CAMK1D: variants seen among roughly 807,000 people sequenced by gnomAD.
CAMK1D encodes calcium/calmodulin-dependent protein kinase type 1D.
A neutral mutation model predicts 47.7 loss-of-function variants in CAMK1D; 9 were observed. The observed-to-expected ratio is 0.19, with a 90% CI of 0.11 to 0.33. CAMK1D has a LOEUF of 0.33. CAMK1D is among the 10% of genes least tolerant of loss of function. The pLI, the probability that CAMK1D is intolerant of heterozygous loss-of-function variation, is 1.00. For missense variants in CAMK1D, 291 were observed against 488.7 expected (o/e 0.60, Z 3.81); for synonymous variants, 184 against 184.9 (o/e 0.99, Z 0.04).
At chr10:12,515,310 C>T (rs934671831) in intron 1 of CAMK1D, among the ~76,000 whole-genome samples, 8 of 152,014 alleles carry the variant, frequency 5.3e-5, no homozygotes, top group Non-Finnish European at 5.9e-5. Context: ...GCCAGATTCC[C>T]CTGTGTTACT....
chr10:12,608,669 A>T (rs886244791), intron 2 of CAMK1D, among the ~76,000 whole-genome samples: 1 of 152,264 alleles, frequency 6.6e-6, no homozygotes. Context: ...TTCACTGAAT[A>T]TGATAAACAA....
chr10:12,502,415 G>A (rs12572029), intron 1 of CAMK1D, among the ~76,000 whole-genome samples: 2,167 of 152,236 alleles, frequency 0.014, 43 homozygotes, highest in East Asian at 0.045. Flanking sequence ...GGGCGATGAG[G>A]CGTCTTGGCT....
chr10:12,676,758 A>G (rs1402268500), intron 3 of CAMK1D, among the ~76,000 whole-genome samples: 4 of 152,176 alleles, frequency 2.6e-5, no homozygotes, highest in Non-Finnish European at 4.4e-5. Flanking sequence ...CATTAATGTG[A>G]ATGGTTCAGT....
intron 2 of CAMK1D, among the ~76,000 whole-genome samples, chr10:12,579,279 A>G (rs1423892300): frequency 6.6e-6 from 1 of 152,066 alleles, no homozygotes; most frequent in Non-Finnish European, 1.5e-5. Context: ...CCTGCATAGC[A>G]TTCCTCATAT....
intron 8 of CAMK1D, among the ~76,000 whole-genome samples, chr10:12,823,856 A>G (rs768944785): frequency 2.0e-5 from 3 of 151,790 alleles, no homozygotes; most frequent in Admixed American, 2.0e-4. Context: ...GGTGGGGGGC[A>G]TGGGCTCACA....
chr10:12,381,312 G>A (rs984953557), intron 1 of CAMK1D, among the ~76,000 whole-genome samples: 4 of 151,440 alleles, frequency 2.6e-5, no homozygotes, highest in African/African-American at 9.7e-5. Flanking sequence ...CTTAAAAAAT[G>A]TCGGAAGGAC....
chr10:12,550,689 G>A lies in CAMK1D; in HGVS notation c.93-2536G>A, dbSNP rs118172229. On this transcript the variant is annotated intron_variant, in intron 1 of 10. Coordinates refer to ENST00000619168, the MANE Select transcript of CAMK1D (RefSeq NM_153498.4). The stretch of plus-strand genomic sequence containing the variant: ...GAAGGTTTGGCTTCTGGCTTGTAGT[G>A]TTTTGAGGGGAGAATCCTATGGGTG... 4.0e-3 allele frequency among the ~76,000 whole-genome samples: 609 copies of A among 152,330 alleles called. 2 individuals are homozygous for A. The highest frequency in any genetic ancestry group is 7.2e-3 in the Non-Finnish European group (489 of 68,032).
intron 1 of CAMK1D, among the ~76,000 whole-genome samples, chr10:12,470,732 G>A (rs558778878): frequency 1.3e-5 from 2 of 152,216 alleles, no homozygotes; most frequent in South Asian, 4.2e-4. Flanking sequence ...GGCCAGGCTG[G>A]TCTTGAACTC....
intron 2 of CAMK1D, among the ~76,000 whole-genome samples, chr10:12,554,524 A>T (rs1836698208): frequency 1.3e-5 from 1 of 74,892 alleles, no homozygotes; most frequent in African/African-American, 3.4e-5. Flanking sequence ...GTATAATGGC[A>T]CACATAGAAC....
chr10:12,694,979 TAAATC>T (rs1489747434), intron 3 of CAMK1D, among the ~76,000 whole-genome samples: 1 of 152,048 alleles, frequency 6.6e-6, no homozygotes, highest in Non-Finnish European at 1.5e-5. Flanking sequence ...AATAAATAAA[TAAATC>T]CTCGTTGGAG....
chr10:12,390,815 C>A (rs1029565858), intron 1 of CAMK1D, among the ~76,000 whole-genome samples: 3 of 152,134 alleles, frequency 2.0e-5, no homozygotes, highest in Admixed American at 2.0e-4. Context: ...CCTATCCAAG[C>A]CTGGAATACG....
rs555828505 is a variant in CAMK1D at position 12,568,848 on chromosome 10, C to T, written c.224+15492C>T. Among the ~76,000 whole-genome samples, 8 of 152,074 alleles carry T rather than the reference C, an allele frequency of 5.3e-5. No homozygotes were observed. In the South Asian group the frequency reaches 1.2e-3, roughly 24 times the overall value. The stretch of plus-strand genomic sequence containing the variant: ...ATGCAGATGTGCGTGCTTTGCCTCC[C>T]GGAGGGAATTCGTTTTGGGAATAGT... On this transcript the variant is annotated intron_variant, in intron 2 of 10. Coordinates refer to ENST00000619168, the MANE Select transcript of CAMK1D (RefSeq NM_153498.4).
rs1184554424 is a variant in CAMK1D at position 12,461,067 on chromosome 10, T to C, written c.93-92158T>C. Among the ~76,000 whole-genome samples the C allele has an allele frequency of 2.0e-5, 3 of 152,174 alleles. No homozygotes were observed. The East Asian group carries it at 5.8e-4, about 29-fold the overall frequency. ...CTCCTCAATTCACCTTACAGGAAGC[T>C]TGGACAGCATCTCTGGGGCTGGCCA... On this transcript the variant is annotated intron_variant, in intron 1 of 10. Transcript: ENST00000619168.
intron 3 of CAMK1D, among the ~76,000 whole-genome samples, chr10:12,694,209 T>TAAA (rs1833117302): frequency 1.1e-4 from 4 of 37,664 alleles, no homozygotes; most frequent in African/African-American, 4.3e-4. Flanking sequence ...ATATATTATG[T>TAAA]ATAATATAAA....
intron 2 of CAMK1D, among the ~76,000 whole-genome samples, chr10:12,632,649 G>A (rs1839412341): frequency 6.6e-6 from 1 of 152,130 alleles, no homozygotes; most frequent in Admixed American, 6.5e-5. Flanking sequence ...TGGAGGGCTG[G>A]GACCCAGATC....
chr10:12,660,184 C>T (rs760433794), intron 2 of CAMK1D, among the ~76,000 whole-genome samples: 13 of 152,232 alleles, frequency 8.5e-5, no homozygotes, highest in Non-Finnish European at 1.5e-4. Flanking sequence ...GGATGCCCTG[C>T]AGATCAGTAA....
Position 12,551,409 on chromosome 10 carries a change from C to T in CAMK1D, c.93-1816C>T, listed in dbSNP as rs555795590. On this transcript the variant is annotated intron_variant, in intron 1 of 10. Coordinates refer to ENST00000619168, the MANE Select transcript of CAMK1D (RefSeq NM_153498.4). ...AGCTCAGGGCTTCCACTGATTTCTACGTTATGGCAAGTTGTAGAATTATTT... is the reference window on the plus strand; with the variant it reads ...AGCTCAGGGCTTCCACTGATTTCTATGTTATGGCAAGTTGTAGAATTATTT... 1.7e-3 allele frequency among the ~76,000 whole-genome samples: 260 copies of T among 152,262 alleles called. 1 individual carries two copies. Among genetic ancestry groups the T allele is most frequent in the Middle Eastern group, 3.4e-3 (1 of 294 alleles).
chr10:12,356,136 A>C (rs1227150027), intron 1 of CAMK1D, among the ~76,000 whole-genome samples: 1 of 151,750 alleles, frequency 6.6e-6, no homozygotes, highest in Non-Finnish European at 1.5e-5. Context: ...CGTCTCAAAA[A>C]GAAAAAAAAA....
chr10:12,757,750 C>T (rs1836296389), intron 3 of CAMK1D, among the ~76,000 whole-genome samples: 1 of 152,016 alleles, frequency 6.6e-6, no homozygotes, highest in Non-Finnish European at 1.5e-5. Context: ...CCATTCCTGC[C>T]TTGGAGGCAG....
Sources: gnomAD v4.1 joint callset for allele counts (sites outside exome capture counted in the v4.1 genomes callset) on GRCh38, gnomAD v4.1.1 for gene constraint, MANE v1.5 for transcripts, NCBI Gene and HGNC (gene_info 2026-07-23, HGNC 2026-07-21) for gene names.